Variants in RTN3 observed in about 807,000 individuals in gnomAD.
RTN3 encodes the protein reticulon 3.
Under a neutral mutation model 77.8 loss-of-function variants are expected in RTN3, and 49 were observed. The observed-to-expected ratio is 0.63, with a 90% CI of 0.50 to 0.80. The LOEUF is 0.80. RTN3 is among the 30% of genes least tolerant of loss of function. RTN3 has a pLI of 0.00. For missense variants in RTN3, 1,236 were observed against 1,211.9 expected, an observed-to-expected ratio of 1.02 and a Z score of -0.29; for synonymous variants, 464 against 446.9, an observed-to-expected ratio of 1.04 and a Z score of -0.48.
intron 3 of RTN3, among the ~76,000 whole-genome samples, chr11:63,734,713 T>C (rs992773906): frequency 7.5e-6 from 1 of 133,778 alleles, no homozygotes; most frequent in Admixed American, 7.7e-5. Context: ...GCCTGGGTGA[T>C]AGAGGGAGAC....
At chr11:63,740,818 C>G (rs995565128) in intron 3 of RTN3, among the ~76,000 whole-genome samples, 1 of 152,130 alleles carries the variant, frequency 6.6e-6, no homozygotes, top group Non-Finnish European at 1.5e-5. Context: ...TTTTCTGTTA[C>G]AATTGTAGCA....
rs764530909 is a variant in RTN3 at position 63,719,507 on chromosome 11, T to C, written c.1005T>C (p.Phe335=). 5 of 1,614,078 alleles carry C rather than the reference T, an allele frequency of 3.1e-6. No individual in the cohort carries two copies. The African/African-American group carries it at 4.0e-5, about 13-fold the overall frequency. Residue 335 remains phenylalanine, a synonymous_variant, in exon 3 of 9, where the codon TTT becomes TTC. Transcript: ENST00000377819. ...GATGCGTGAATGATATGCATAACTT[T>C]ACTAACGAAATACTGACTTGGGATC... ...VSRCVNDMHN[F]TNEILTWDLV...
Position 63,681,748 on chromosome 11 carries a change from G to T in RTN3, c.112G>T (p.Gly38Trp). 1.9e-6 allele frequency: 3 copies of T among 1,604,348 alleles called. No individual in the cohort carries two copies. Among genetic ancestry groups the T allele is most frequent in the Non-Finnish European group, 1.7e-6 (2 of 1,177,352 alleles). The part of the protein sequence containing the change: ...GGSPGACPAL[G>W]TKSCSSSCAD... ...GAGCCCAGGAGCCTGCCCCGCCCTG[G>T]GGACGAAGAGCTGCAGCTCCTCCTG... Residue 38 changes from glycine to tryptophan, a missense_variant, in exon 1 of 9, where the codon GGG becomes TGG. Physicochemically the swap from Gly to Trp is radical, Grantham distance 184. Coordinates refer to ENST00000377819, the MANE Select transcript of RTN3 (RefSeq NM_001265589.2).
chr11:63,734,932 G>C (rs2012983376), intron 3 of RTN3, among the ~76,000 whole-genome samples: 1 of 152,062 alleles, frequency 6.6e-6, no homozygotes. Context: ...CAACTATTAG[G>C]ATTAATAAGT....
At chr11:63,715,914 A>C (rs2134795129) in intron 2 of RTN3, among the ~76,000 whole-genome samples, 1 of 152,348 alleles carries the variant, frequency 6.6e-6, no homozygotes, top group East Asian at 1.9e-4. Context: ...TGAACCTTTT[A>C]ACCTACAATA....
chr11:63,725,234 A>T lies in RTN3; in HGVS notation c.2530+4202A>T, dbSNP rs140816820. Among the ~76,000 whole-genome samples, 1,230 of 152,204 alleles carry T rather than the reference A, an allele frequency of 8.1e-3. 16 individuals are homozygous for T. Among genetic ancestry groups the T allele is most frequent in the African/African-American group, 0.027 (1,133 of 41,538 alleles). ...TTTTATGCTTTTTAACCATTCATTCATGTTATCATGTTTGTTGTATAACGT... is the reference window on the plus strand; with the variant it reads ...TTTTATGCTTTTTAACCATTCATTCTTGTTATCATGTTTGTTGTATAACGT... On this transcript the variant is annotated intron_variant, in intron 3 of 8. Coordinates refer to ENST00000377819, the MANE Select transcript of RTN3 (RefSeq NM_001265589.2).
At chr11:63,756,356 A>T (rs373451222) in intron 8 of RTN3, among the ~76,000 whole-genome samples, 186 bp downstream of exon 8, 1 of 152,224 alleles carries the variant, frequency 6.6e-6, no homozygotes, top group Non-Finnish European at 1.5e-5. Flanking sequence ...AAAATCCTTT[A>T]TATCTTTTTC....
chr11:63,757,599 T>C (rs777129897), intron 8 of RTN3, among the ~76,000 whole-genome samples: 13 of 152,186 alleles, frequency 8.5e-5, no homozygotes, highest in Non-Finnish European at 1.6e-4. Flanking sequence ...CTTCAAGTGA[T>C]CCTCCCACCT....
At chr11:63,702,440 G>T (rs1007394790) in intron 1 of RTN3, among the ~76,000 whole-genome samples, 1 of 151,124 alleles carries the variant, frequency 6.6e-6, no homozygotes, top group Non-Finnish European at 1.5e-5. Flanking sequence ...TCAGCCTTCG[G>T]AGTAGCTGGG....
intron 1 of RTN3, among the ~76,000 whole-genome samples, chr11:63,682,083 G>A (rs1028848926): frequency 1.3e-5 from 2 of 152,260 alleles, no homozygotes; most frequent in Non-Finnish European, 2.9e-5. Flanking sequence ...ATGGAGAGTT[G>A]CTCGATGCAT....
intron 3 of RTN3, among the ~76,000 whole-genome samples, chr11:63,738,758 G>A (rs911629093): frequency 3.3e-5 from 5 of 152,014 alleles, no homozygotes; most frequent in African/African-American, 9.7e-5. Flanking sequence ...GTGTATACTT[G>A]GGAGAATAAA....
chr11:63,684,619 T>G (rs1941268063), intron 1 of RTN3, among the ~76,000 whole-genome samples: 1 of 152,054 alleles, frequency 6.6e-6, no homozygotes, highest in African/African-American at 2.4e-5. Context: ...AGTAAAATTT[T>G]ATTACAGAAT....
intron 1 of RTN3, among the ~76,000 whole-genome samples, chr11:63,688,455 C>G (rs537361101): frequency 1.8e-4 from 28 of 152,220 alleles, no homozygotes; most frequent in African/African-American, 6.5e-4. Flanking sequence ...ATCTCCTGAC[C>G]TCATGATCCG....
At chr11:63,689,090 A>G (rs1941522132) in intron 1 of RTN3, among the ~76,000 whole-genome samples, 1 of 152,152 alleles carries the variant, frequency 6.6e-6, no homozygotes, top group African/African-American at 2.4e-5. Context: ...ATTGTTGATG[A>G]TGAATTTAGC....
intron 1 of RTN3, among the ~76,000 whole-genome samples, chr11:63,704,620 T>TA (rs796256585): frequency 1.3e-3 from 183 of 140,024 alleles, no homozygotes; most frequent in African/African-American, 1.7e-3. Flanking sequence ...AATGTTTGAC[T>TA]AAAAAAAAAA....
In RTN3 at chr11:63,681,594, C is replaced by G; in HGVS notation, c.-43C>G. 1.3e-6 allele frequency: 2 copies of G among 1,544,106 alleles called. No individual in the cohort carries two copies. Among genetic ancestry groups the G allele is most frequent in the Non-Finnish European group, 1.7e-6 (2 of 1,143,360 alleles). On this transcript the variant is annotated 5_prime_UTR_variant, in exon 1 of 9. Transcript: ENST00000377819. ...CTATTTCCCCTCCCTCTCTCCCGCCCCGTATCTCTTTTCACCCTTCTCCCA... is the reference window on the plus strand; with the variant it reads ...CTATTTCCCCTCCCTCTCTCCCGCCGCGTATCTCTTTTCACCCTTCTCCCA...
At chr11:63,756,420 T>TTATTA (rs1276457083) in intron 8 of RTN3, among the ~76,000 whole-genome samples, 1 of 152,194 alleles carries the variant, frequency 6.6e-6, no homozygotes, top group East Asian at 1.9e-4. Context: ...ACATCTGTAA[T>TTATTA]GCCAGTGCTT....
chr11:63,688,714 T>C (rs1362584070), intron 1 of RTN3, among the ~76,000 whole-genome samples: 2 of 152,156 alleles, frequency 1.3e-5, no homozygotes, highest in Non-Finnish European at 2.9e-5. Context: ...GTTTTAAAGA[T>C]GGGCTGAAAA....
chr11:63,736,656 C>T (rs534759368), intron 3 of RTN3, among the ~76,000 whole-genome samples: 1 of 152,136 alleles, frequency 6.6e-6, no homozygotes, highest in Non-Finnish European at 1.5e-5. Flanking sequence ...CCACTGCACT[C>T]CAGCCTGGAT....
Sources: gnomAD v4.1 joint callset for allele counts (sites outside exome capture counted in the v4.1 genomes callset) on GRCh38, gnomAD v4.1.1 for gene constraint, MANE v1.5 for transcripts, NCBI Gene and HGNC (gene_info 2026-07-23, HGNC 2026-07-21) for gene names.